Variants in SPPL3 observed in about 807,000 individuals in gnomAD.
SPPL3 encodes signal peptide peptidase like 3, also known as signal peptide peptidase-like 3.
Under a neutral mutation model 42.4 loss-of-function variants are expected in SPPL3, and 5 were observed. The observed-to-expected ratio is 0.12, with a 90% CI of 0.06 to 0.25. The LOEUF (loss-of-function observed/expected upper bound fraction) is 0.25. SPPL3 is among the 10% of genes least tolerant of loss of function. SPPL3 has a pLI of 1.00. For synonymous variants in SPPL3, 195 were observed against 181.8 expected (o/e 1.07, Z -0.58); for missense variants, 235 against 489.0 (o/e 0.48, Z 4.90).
intron 2 of SPPL3, among the ~76,000 whole-genome samples, chr12:120,804,195 C>T (rs1870417147): frequency 6.6e-6 from 1 of 151,952 alleles, no homozygotes; most frequent in African/African-American, 2.4e-5. Flanking sequence ...TACAAATGAC[C>T]AAAAACTAAC....
chr12:120,891,717 A>G (rs182489104), intron 1 of SPPL3, among the ~76,000 whole-genome samples: 1 of 138,962 alleles, frequency 7.2e-6, no homozygotes, highest in East Asian at 2.2e-4. Context: ...TTTTTTCCCT[A>G]AGACTGTTTT....
chr12:120,872,540 G>A (rs992809553), intron 1 of SPPL3, among the ~76,000 whole-genome samples: 1 of 152,162 alleles, frequency 6.6e-6, no homozygotes, highest in Non-Finnish European at 1.5e-5. Flanking sequence ...GGGAAGCTGA[G>A]GCAGCCAGAA....
At chr12:120,833,420 C>T (rs582678) in intron 1 of SPPL3, among the ~76,000 whole-genome samples, 136,312 of 152,166 alleles carry the variant, frequency 0.9, 62,039 homozygotes, top group East Asian at 1. Context: ...TCAAGGCAGA[C>T]ACCAGAAACA....
At chr12:120,794,953 A>C (rs944429795) in intron 2 of SPPL3, among the ~76,000 whole-genome samples, 1 of 152,156 alleles carries the variant, frequency 6.6e-6, no homozygotes, top group Admixed American at 6.5e-5. Flanking sequence ...AACACAGTCT[A>C]CCTTCCAGTT....
chr12:120,849,719 T>C (rs572155956), intron 1 of SPPL3, among the ~76,000 whole-genome samples: 2 of 152,322 alleles, frequency 1.3e-5, no homozygotes, highest in East Asian at 1.9e-4. Context: ...CTTTACCTTT[T>C]GGGACCAGGA....
intron 1 of SPPL3, among the ~76,000 whole-genome samples, chr12:120,854,284 T>C (rs1190026181): frequency 6.6e-6 from 1 of 152,160 alleles, no homozygotes; most frequent in Non-Finnish European, 1.5e-5. Context: ...CCACATTCAG[T>C]GGGAGGTAAA....
intron 1 of SPPL3, among the ~76,000 whole-genome samples, chr12:120,861,856 T>G (rs148293725): frequency 3.9e-5 from 6 of 152,244 alleles, no homozygotes; most frequent in African/African-American, 7.2e-5. Flanking sequence ...GTGAGGGAGT[T>G]AGGGGTAAGA....
At chr12:120,844,178 A>G (rs181058726) in intron 1 of SPPL3, among the ~76,000 whole-genome samples, 9 of 152,224 alleles carry the variant, frequency 5.9e-5, no homozygotes, top group African/African-American at 2.2e-4. Flanking sequence ...CTTTCCCCCC[A>G]GTTTTCACTG....
intron 1 of SPPL3, among the ~76,000 whole-genome samples, chr12:120,842,646 G>A (rs1398757915): frequency 2.0e-5 from 3 of 152,086 alleles, no homozygotes; most frequent in African/African-American, 7.2e-5. Flanking sequence ...GGTTCTCGGT[G>A]CATCCTCACA....
At chr12:120,845,580 AG>A in intron 1 of SPPL3, 1 of 476,694 alleles carries the variant, frequency 2.1e-6, no homozygotes, top group South Asian at 2.1e-5. Flanking sequence ...TGCAGCATCC[AG>A]GCCCACCATG....
chr12:120,887,109 C>T (rs533067634), intron 1 of SPPL3, among the ~76,000 whole-genome samples: 4 of 152,000 alleles, frequency 2.6e-5, no homozygotes, highest in Admixed American at 6.6e-5. Context: ...ACCATCACGC[C>T]CGGCTAATTT....
intron 1 of SPPL3, among the ~76,000 whole-genome samples, chr12:120,864,043 T>C (rs188258911): frequency 3.3e-5 from 5 of 152,304 alleles, no homozygotes; most frequent in Non-Finnish European, 4.4e-5. Flanking sequence ...GAACTTTCTG[T>C]ACTCTGTTAC....
intron 7 of SPPL3, 118 bp downstream of exon 7, chr12:120,768,835 A>G: frequency 1.2e-6 from 1 of 821,134 alleles, no homozygotes; most frequent in Non-Finnish European, 2.0e-6. Flanking sequence ...GACTGGAGAG[A>G]GAGTGATCAG....
chr12:120,878,354 T>A (rs1873176627), intron 1 of SPPL3, among the ~76,000 whole-genome samples: 1 of 152,082 alleles, frequency 6.6e-6, no homozygotes, highest in Admixed American at 6.6e-5. Flanking sequence ...TTGGGAAAAC[T>A]TGGAAAAATA....
At chr12:120,848,963 A>T (rs1872134461) in intron 1 of SPPL3, among the ~76,000 whole-genome samples, 1 of 152,030 alleles carries the variant, frequency 6.6e-6, no homozygotes, top group South Asian at 2.1e-4. Flanking sequence ...CCCAGGATGT[A>T]ATACAAACTT....
chr12:120,787,851 T>C (rs1869775103), intron 3 of SPPL3, among the ~76,000 whole-genome samples: 1 of 152,214 alleles, frequency 6.6e-6, no homozygotes, highest in Non-Finnish European at 1.5e-5. Context: ...CCATGCTGTT[T>C]TATGTAGCTA....
At chr12:120,813,557 G>A (rs1034955953) in intron 1 of SPPL3, among the ~76,000 whole-genome samples, 3 of 151,996 alleles carry the variant, frequency 2.0e-5, no homozygotes, top group Middle Eastern at 3.2e-3. Context: ...GTGACCTCAA[G>A]TGATCCACCC....
At chr12:120,863,779 CCA>C (rs1872680636) in intron 1 of SPPL3, among the ~76,000 whole-genome samples, 1 of 151,396 alleles carries the variant, frequency 6.6e-6, no homozygotes, top group Non-Finnish European at 1.5e-5. Flanking sequence ...GTAGCTAGGC[CCA>C]CAGGGTCAAG....
At chr12:120,802,928 T>G (rs768926208) in intron 2 of SPPL3, among the ~76,000 whole-genome samples, 3 of 152,228 alleles carry the variant, frequency 2.0e-5, no homozygotes, top group Non-Finnish European at 2.9e-5. Context: ...TGAAATACAT[T>G]TTCATGCAAT....
Sources: allele counts gnomAD v4.1 joint callset (sites outside exome capture counted in the v4.1 genomes callset), GRCh38; gene constraint gnomAD v4.1.1; transcripts MANE v1.5; gene names NCBI Gene and HGNC (gene_info 2026-07-23, HGNC 2026-07-21).